AP1G2: variants seen among roughly 807,000 people sequenced by gnomAD.
The protein encoded by AP1G2 is adaptor related protein complex 1 subunit gamma 2.
A neutral mutation model predicts 95.8 loss-of-function variants in AP1G2; 85 were observed. The ratio of observed to expected loss-of-function variants is 0.89; its 90% CI spans 0.74 to 1.06. The LOEUF is 1.06. Ranked by LOEUF, AP1G2 falls within the 50% of genes least tolerant of loss-of-function variation. The probability of loss-of-function intolerance (pLI) is 0.00; values close to 1 mark genes in which losing one functional copy is unlikely to be tolerated. For synonymous variants in AP1G2, 378 were observed against 400.0 expected (o/e 0.94, Z 0.66); for missense variants, 967 against 1,005.8 (o/e 0.96, Z 0.52).
In AP1G2 at chr14:23,561,942, C is replaced by A. The variant is rs768476906; in HGVS notation, c.1733+20G>T. ...GGGCAGGGGTTTGGGTCCCATGCTGCAGCACAGTGCTGGACACACCTCATG... is the reference window on the plus strand; with the variant it reads ...GGGCAGGGGTTTGGGTCCCATGCTGAAGCACAGTGCTGGACACACCTCATG... On this transcript the variant is annotated intron_variant, in intron 17 of 21. Coordinates refer to ENST00000397120, the MANE Select transcript of AP1G2 (RefSeq NM_003917.5). The A allele has an allele frequency of 5.6e-6, 9 of 1,593,790 alleles. No individual in the cohort carries two copies. Among genetic ancestry groups the A allele is most frequent in the Non-Finnish European group, 7.7e-6 (9 of 1,170,418 alleles).
intron 8 of AP1G2, 69 bp from the exon 9 acceptor site, chr14:23,564,729 TCTCA>T: frequency 7.0e-7 from 1 of 1,419,522 alleles, no homozygotes; most frequent in Non-Finnish European, 9.9e-7. Flanking sequence ...TGATACAGGG[TCTCA>T]CTCTGTCGCC....
chr14:23,559,906 GGTCTT>G (rs763246225), intron 21 of AP1G2, 27 bp downstream of exon 21: 16 of 1,611,602 alleles, frequency 9.9e-6, no homozygotes, highest in Non-Finnish European at 1.4e-5. Flanking sequence ...TCTATCCCTG[GGTCTT>G]GTCTTGGGGG....
intron 4 of AP1G2, 25 bp from the exon 5 acceptor site, chr14:23,566,185 A>G (rs746908824): frequency 1.3e-6 from 2 of 1,592,366 alleles, no homozygotes; most frequent in Middle Eastern, 1.7e-4. Flanking sequence ...GGCCTCAGAC[A>G]GGGGTCAGAG....
intron 2 of AP1G2, 111 bp from the exon 3 acceptor site, chr14:23,566,797 C>G: frequency 7.0e-7 from 1 of 1,433,320 alleles, no homozygotes. Flanking sequence ...CATCATATCT[C>G]ATCACTCTCC....
At chr14:23,562,746 T>A (rs533420908) in intron 14 of AP1G2, 153 bp from the exon 15 acceptor site, 326 of 558,100 alleles carry the variant, frequency 5.8e-4, no homozygotes, top group Middle Eastern at 5.3e-3. Context: ...ATCTCTATTT[T>A]AAAAAAAAAA....
chr14:23,563,047 C>G (rs568101223), intron 14 of AP1G2: 2 of 1,227,718 alleles, frequency 1.6e-6, no homozygotes, highest in Non-Finnish European at 2.1e-6. Flanking sequence ...GCTATAGATA[C>G]TGGCTGGCAT....
At position 23,563,573 on chromosome 14, in the gene AP1G2, C is replaced by T; in HGVS notation, c.1287+11G>A. Reference sequence around the variant, plus strand: ...ACTTCTGCCCAGCTCTCTGACTGGCCCCTGCCTCACCGTTGTCAGCACATG... The same window carrying T: ...ACTTCTGCCCAGCTCTCTGACTGGCTCCTGCCTCACCGTTGTCAGCACATG... On this transcript the variant is annotated intron_variant, in intron 13 of 21. Transcript: ENST00000397120. The T allele has an allele frequency of 6.2e-7, 1 of 1,614,212 alleles. No homozygotes were observed. Among genetic ancestry groups the T allele is most frequent in the South Asian group, 1.1e-5 (1 of 91,080 alleles).
At position 23,566,124 on chromosome 14, in the gene AP1G2, G is replaced by C. The variant is rs370908134; in HGVS notation, c.508C>G (p.Pro170Ala). The C allele has an allele frequency of 1.2e-6, 2 of 1,610,308 alleles. No homozygotes were observed. Among genetic ancestry groups the C allele is most frequent in the African/African-American group, 2.7e-5 (2 of 74,846 alleles). Residue 170 changes from proline (P) to alanine (A), a missense_variant, in exon 5 of 22, where the codon CCT becomes GCT. Physicochemically the swap from Pro to Ala is conservative, Grantham distance 27. Transcript: ENST00000397120. ...LTAVHMIRKVPELSSVFLPPC... is the reference protein window; with the variant it reads ...LTAVHMIRKVAELSSVFLPPC... ...GGGAGGAAGACACTGGAGAGTTCAGGGACCTTCCGGATCATGTGCACTGCA... is the reference window on the plus strand; with the variant it reads ...GGGAGGAAGACACTGGAGAGTTCAGCGACCTTCCGGATCATGTGCACTGCA...
At position 23,562,513 on chromosome 14, in the gene AP1G2, C is replaced by T; in HGVS notation, c.1491G>A (p.Glu497=). ...CCCAATGAGGTCTCACCTGAAGGGGCTCAATCTCCTCGCAGTTCCCTGCCA... is the reference window on the plus strand; with the variant it reads ...CCCAATGAGGTCTCACCTGAAGGGGTTCAATCTCCTCGCAGTTCCCTGCCA... ...LLLAGNCEEI[E]PLQVDEEEVL... is the part of the protein sequence containing the mutation. Residue 497 remains glutamate, a synonymous_variant, in exon 15 of 22, where the codon GAG becomes GAA. Transcript: ENST00000397120. 1.2e-6 allele frequency: 2 copies of T among 1,614,224 alleles called. No homozygotes were observed. Among genetic ancestry groups the T allele is most frequent in the South Asian group, 2.2e-5 (2 of 91,088 alleles).
At chr14:23,562,483 G>T (rs1231104721) in intron 15 of AP1G2, 21 bp downstream of exon 15, 1 of 1,609,938 alleles carries the variant, frequency 6.2e-7, no homozygotes, top group Non-Finnish European at 8.5e-7. Context: ...CCTCCTCAGT[G>T]TACCCCCAAT....
chr14:23,567,712 C>T lies in AP1G2; in HGVS notation c.-6+27G>A. 1.1e-6 allele frequency: 1 copy of T among 884,550 alleles called. No homozygotes were observed. The highest frequency in any genetic ancestry group is 1.4e-6 in the Non-Finnish European group (1 of 734,380). The allele number at this position is 884,550 out of a possible 1,614,324, so 54.8% of individuals were successfully genotyped here. A position where few individuals can be genotyped will look rare whatever the true frequency, so the allele number is the denominator to read the frequency against. ...AGGCAGCGGCAGCGGCAGCGACAGC[C>T]TGCCTACCCCAGGACTCCAGCCTCA... On this transcript the variant is annotated intron_variant, in intron 1 of 21. Coordinates refer to ENST00000397120, the MANE Select transcript of AP1G2 (RefSeq NM_003917.5). This position sits in a 1 kb window ranked among gnomAD's most constrained non-coding sequence, Gnocchi z 5.3.
chr14:23,562,131 A>AGGCCCACG, intron 16 of AP1G2, 65 bp from the exon 17 acceptor site: 1 of 1,599,468 alleles, frequency 6.3e-7, no homozygotes, highest in Non-Finnish European at 8.5e-7. Context: ...CAAGAAGGAA[A>AGGCCCACG]GGCCCACGGA....
In AP1G2 at chr14:23,564,261, G is replaced by A. The variant is rs1886628081; in HGVS notation, c.977+72C>T. The A allele has an allele frequency of 3.1e-6, 5 of 1,613,822 alleles. No individual in the cohort carries two copies. In the East Asian group the frequency reaches 6.7e-5, roughly 22 times the overall value. ...AAGATAAGAGAGAAATGGATCAGGA[G>A]GCTCTGGAGGAAGGAGGGCAGAGGG... On this transcript the variant is annotated intron_variant, in intron 10 of 21. Transcript: ENST00000397120.
intron 10 of AP1G2, 84 bp from the exon 11 acceptor site, chr14:23,564,243 G>A: frequency 1.2e-6 from 2 of 1,613,206 alleles, no homozygotes; most frequent in Non-Finnish European, 8.5e-7. Context: ...GATAAGATAA[G>A]AGAGAAATGG....
intron 7 of AP1G2, 163 bp downstream of exon 7, chr14:23,565,443 T>C: frequency 1.4e-6 from 1 of 740,250 alleles, no homozygotes; most frequent in Non-Finnish European, 2.2e-6. Flanking sequence ...AGGCATTCCC[T>C]CTCCCCTCAC....
Position 23,560,421 on chromosome 14 carries a change from G to A in AP1G2, c.1994-3C>T, listed in dbSNP as rs1308234188. The A allele has an allele frequency of 8.1e-6, 13 of 1,610,800 alleles. No individual in the cohort carries two copies. Among genetic ancestry groups the A allele is most frequent in the Non-Finnish European group, 1.1e-5 (13 of 1,177,868 alleles). ...CACTTTGAGATCTGGGATGGGAGCTGGAGTAGGGAGACAGAAGCAGCTCAG... is the reference window on the plus strand; with the variant it reads ...CACTTTGAGATCTGGGATGGGAGCTAGAGTAGGGAGACAGAAGCAGCTCAG... On this transcript the variant is annotated splice_region_variant and splice_polypyrimidine_tract_variant and intron_variant, in intron 19 of 21. Coordinates refer to ENST00000397120, the MANE Select transcript of AP1G2 (RefSeq NM_003917.5).
intron 7 of AP1G2, 41 bp downstream of exon 7, chr14:23,565,565 C>A (rs758022879): frequency 7.8e-6 from 12 of 1,529,122 alleles, no homozygotes; most frequent in Non-Finnish European, 9.1e-6. Context: ...ACTGCTATGC[C>A]CTCTCTGATC....
In AP1G2 at chr14:23,566,670, A is replaced by C. The variant is rs1219942146; in HGVS notation, c.221T>G (p.Leu74Arg). The change falls in exon 3 of 22, where the codon CTG becomes CGG. Residue 74 changes from leucine (L) to arginine (R), a missense_variant. Coordinates refer to ENST00000397120, the MANE Select transcript of AP1G2 (RefSeq NM_003917.5). ...AHFGQMECLK[L>R]IASSRFTDKR... ...GTCTGTGAATCTGGAGGAGGCGATC[A>C]GTTTCAGGCACTCCATCTATAGTGA... 1.2e-6 allele frequency: 2 copies of C among 1,614,216 alleles called. No homozygotes were observed. The highest frequency in any genetic ancestry group is 1.7e-6 in the Non-Finnish European group (2 of 1,180,028).
At chr14:23,562,238 G>T in intron 16 of AP1G2, 50 bp downstream of exon 16, 1 of 1,609,614 alleles carries the variant, frequency 6.2e-7, no homozygotes, top group South Asian at 1.1e-5. Context: ...CTCAAAAATG[G>T]GTGGACCCAG....
Sources: gnomAD v4.1 joint callset for allele counts on GRCh38, gnomAD v4.1.1 for gene constraint, Gnocchi (gnomAD v3.1) non-coding constraint, MANE v1.5 for transcripts, NCBI Gene and HGNC (gene_info 2026-07-23, HGNC 2026-07-21) for gene names.